Variants in MTFR1 observed in about 807,000 individuals in gnomAD.
MTFR1 encodes mitochondrial fission regulator 1, also known as chondrocyte protein with a poly-proline region.
In MTFR1, 28 loss-of-function variants were observed where a neutral mutation model predicts 38.8. The ratio of observed to expected loss-of-function variants is 0.72; its 90% CI spans 0.53 to 0.99. The LOEUF (loss-of-function observed/expected upper bound fraction) is 0.99. Ranked by LOEUF, MTFR1 falls within the 50% of genes least tolerant of loss-of-function variation. MTFR1 has a pLI of 0.00. For missense variants in MTFR1, 358 were observed against 395.5 expected, an observed-to-expected ratio of 0.91 and a Z score of 0.81; for synonymous variants, 145 against 137.0, an observed-to-expected ratio of 1.06 and a Z score of -0.41.
chr8:65,723,490 T>A, intron 3 of MTFR1: 1 of 1,373,510 alleles, frequency 7.3e-7, no homozygotes, highest in Middle Eastern at 2.0e-4. Flanking sequence ...CCCTTCTTGA[T>A]AAAAACAGTG....
chr8:65,667,461 C>G (rs67102418), intron 1 of MTFR1, among the ~76,000 whole-genome samples: 16,667 of 151,420 alleles, frequency 0.11, 1,136 homozygotes, highest in Middle Eastern at 0.17. Flanking sequence ...TAGTTATGCT[C>G]TTGTCACCCA....
chr8:65,653,881 A>G lies in MTFR1; in HGVS notation c.-81+9097A>G, dbSNP rs1194593255. 2.0e-5 allele frequency among the ~76,000 whole-genome samples: 3 copies of G among 152,134 alleles called. 1 individual carries two copies. Among genetic ancestry groups the G allele is most frequent in the Non-Finnish European group, 4.4e-5 (3 of 68,030 alleles). ...GGAGTTTGAGACCAGCCTGGGCAACATAGTGAGACCCCATCTCTACAAAAA... is the reference window on the plus strand; with the variant it reads ...GGAGTTTGAGACCAGCCTGGGCAACGTAGTGAGACCCCATCTCTACAAAAA... On this transcript the variant is annotated intron_variant, in intron 1 of 7. Coordinates refer to ENST00000262146, the MANE Select transcript of MTFR1 (RefSeq NM_014637.4).
At chr8:65,765,254 C>T (rs1040427483) in intron 3 of MTFR1, among the ~76,000 whole-genome samples, 15 of 151,858 alleles carry the variant, frequency 9.9e-5, no homozygotes, top group Non-Finnish European at 1.5e-4. Context: ...CTTTGGGAGG[C>T]CGAGGCGGGC....
rs189050666 is a variant in MTFR1 at position 65,648,822 on chromosome 8, A to G, written c.-81+4038A>G. 3.9e-5 allele frequency among the ~76,000 whole-genome samples: 6 copies of G among 152,272 alleles called. No homozygotes were observed. The East Asian group carries it at 1.2e-3, about 29-fold the overall frequency. ...AGCAGTATAACTAAGATCTTTTTAA[A>G]CATTTAAGATTTTTTTTTAGGGACA... On this transcript the variant is annotated intron_variant, in intron 1 of 7. Transcript: ENST00000262146.
At chr8:65,708,199 TA>T in intron 7 of MTFR1, 188 bp downstream of exon 7, 1 of 1,135,618 alleles carries the variant, frequency 8.8e-7, no homozygotes, top group Non-Finnish European at 1.2e-6. Flanking sequence ...GCTTAGCATT[TA>T]CACTTTTACT....
At chr8:65,747,966 A>AT (rs954388025) in intron 3 of MTFR1, among the ~76,000 whole-genome samples, 8 of 152,056 alleles carry the variant, frequency 5.3e-5, no homozygotes, top group African/African-American at 1.9e-4. Flanking sequence ...ATTTTATTTT[A>AT]TTTTTTTAAG....
At chr8:65,651,678 G>A (rs1809126801) in intron 1 of MTFR1, among the ~76,000 whole-genome samples, 1 of 151,966 alleles carries the variant, frequency 6.6e-6, no homozygotes, top group African/African-American at 2.4e-5. Flanking sequence ...TTTATGCTAC[G>A]ACCATGTTGT....
intron 3 of MTFR1, among the ~76,000 whole-genome samples, chr8:65,768,063 C>T (rs1808882899): frequency 6.6e-6 from 1 of 152,038 alleles, no homozygotes; most frequent in Admixed American, 6.6e-5. Context: ...TAGAGGACAC[C>T]CAGTTGGTGT....
upstream of MTFR1, among the ~76,000 whole-genome samples, chr8:65,644,349 T>C (rs760086998): frequency 1.3e-5 from 2 of 152,194 alleles, no homozygotes; most frequent in African/African-American, 4.8e-5. Context: ...CACAGGTCCC[T>C]ACAGCGTGGG....
At chr8:65,650,105 C>T (rs1809078575) in intron 1 of MTFR1, among the ~76,000 whole-genome samples, 1 of 151,962 alleles carries the variant, frequency 6.6e-6, no homozygotes, top group Non-Finnish European at 1.5e-5. Context: ...TCTCAAACTG[C>T]TGGGATTACA....
At chr8:65,646,872 T>C (rs186979829) in intron 1 of MTFR1, among the ~76,000 whole-genome samples, 2 of 152,302 alleles carry the variant, frequency 1.3e-5, no homozygotes, top group East Asian at 3.9e-4. Flanking sequence ...AGACAACATC[T>C]TCATCCAAAT....
intron 3 of MTFR1, among the ~76,000 whole-genome samples, chr8:65,743,762 G>A (rs1225627326): frequency 1.3e-5 from 2 of 151,946 alleles, no homozygotes; most frequent in African/African-American, 4.8e-5. Context: ...GTACAGCAGT[G>A]ATTTCATTAT....
chr8:65,734,940 T>C (rs1449544453), intron 3 of MTFR1: 1 of 1,152,530 alleles, frequency 8.7e-7, no homozygotes, highest in Non-Finnish European at 1.3e-6. Flanking sequence ...ATGAGCAACA[T>C]ATACAAGGAC....
intron 1 of MTFR1, among the ~76,000 whole-genome samples, chr8:65,662,859 G>C (rs986745410): frequency 1.5e-4 from 23 of 151,334 alleles, no homozygotes; most frequent in Non-Finnish European, 2.8e-4. Flanking sequence ...AAGGGAGGTG[G>C]GGGGGTTAGG....
At chr8:65,734,680 G>A (rs1807048600) in intron 3 of MTFR1, 4 of 660,008 alleles carry the variant, frequency 6.1e-6, no homozygotes, top group Non-Finnish European at 1.1e-5. Flanking sequence ...TCTCATTCTT[G>A]TGAAGGAAGT....
intron 2 of MTFR1, among the ~76,000 whole-genome samples, chr8:65,678,843 C>T (rs747013673): frequency 1.3e-5 from 2 of 152,032 alleles, no homozygotes; most frequent in Non-Finnish European, 2.9e-5. Flanking sequence ...CGAGATCGCA[C>T]CACTGCACTC....
chr8:65,678,133 C>G (rs1804771230), intron 2 of MTFR1, among the ~76,000 whole-genome samples: 1 of 151,982 alleles, frequency 6.6e-6, no homozygotes, highest in African/African-American at 2.4e-5. Context: ...CTTTCCTTCT[C>G]TAAACTAGCA....
exon 4 of MTFR1, chr8:65,770,946 GA>G: frequency 4.2e-6 from 1 of 240,484 alleles, no homozygotes; most frequent in South Asian, 4.3e-5. Context: ...TACCCTTTCA[GA>G]AAAGACTCGT....
At chr8:65,666,339 G>C (rs574024577) in intron 1 of MTFR1, among the ~76,000 whole-genome samples, 2 of 152,358 alleles carry the variant, frequency 1.3e-5, no homozygotes, top group South Asian at 4.1e-4. Context: ...CTGGGATGCA[G>C]AGGTTGCAGT....
Sources: allele counts gnomAD v4.1 joint callset (sites outside exome capture counted in the v4.1 genomes callset), GRCh38; gene constraint gnomAD v4.1.1; transcripts MANE v1.5; gene names NCBI Gene and HGNC (gene_info 2026-07-23, HGNC 2026-07-21).